The following LPO variants were observed in gnomAD, a reference collection of about 807,000 sequenced individuals.
LPO encodes salivary peroxidase.
LPO carries 70 observed loss-of-function variants against 68.4 expected under a neutral mutation model. That is an observed-to-expected ratio of 1.02 (90% CI 0.84 to 1.25). The LOEUF (loss-of-function observed/expected upper bound fraction) is 1.25, where lower values mean the gene tolerates loss of function less well. LPO is among the 50% of genes most tolerant of loss of function. The pLI, the probability that LPO is intolerant of heterozygous loss-of-function variation, is 0.00. For missense variants in LPO, 873 were observed against 908.4 expected, an observed-to-expected ratio of 0.96 and a Z score of 0.50; for synonymous variants, 360 against 357.6, an observed-to-expected ratio of 1.01 and a Z score of -0.08.
chr17:58,258,186 C>T (rs1381988275), intron 9 of LPO, among the ~76,000 whole-genome samples: 1 of 152,190 alleles, frequency 6.6e-6, no homozygotes, highest in Non-Finnish European at 1.5e-5. Flanking sequence ...GTGGCCTATG[C>T]TTGTGGGATA....
chr17:58,243,448 C>T (rs1969795386), intron 2 of LPO: 1 of 226,086 alleles, frequency 4.4e-6, no homozygotes, highest in Admixed American at 5.2e-5. Flanking sequence ...AATAAGGTCA[C>T]ATTCTGAGGT....
Position 58,266,145 on chromosome 17 carries a change from C to T in LPO, c.1520-8C>T, listed in dbSNP as rs1337125370. 6.2e-7 allele frequency: 1 copy of T among 1,613,474 alleles called. No homozygotes were observed. Among genetic ancestry groups the T allele is most frequent in the Admixed American group, 1.7e-5 (1 of 59,984 alleles). ...ACCTAAGCATGGCTTCTGGGTCTCCCTTGGCAGGTGGAATTGATCCTCTGG... is the reference window on the plus strand; with the variant it reads ...ACCTAAGCATGGCTTCTGGGTCTCCTTTGGCAGGTGGAATTGATCCTCTGG... On this transcript the variant is annotated splice_polypyrimidine_tract_variant and splice_region_variant and intron_variant, in intron 10 of 12. Coordinates refer to ENST00000262290, the MANE Select transcript of LPO (RefSeq NM_006151.3).
chr17:58,249,413 G>C (rs1398108986), intron 5 of LPO, 153 bp from the exon 6 acceptor site: 1 of 1,223,660 alleles, frequency 8.2e-7, no homozygotes, highest in Non-Finnish European at 1.1e-6. Context: ...GCGCCTTCAG[G>C]GGGTGGGCGC....
At chr17:58,264,575 GA>G in intron 9 of LPO, 146 bp from the exon 10 acceptor site, 2 of 726,916 alleles carry the variant, frequency 2.8e-6, no homozygotes, top group Non-Finnish European at 4.6e-6. Context: ...ATGCTCATAG[GA>G]ATGGGAACTG....
intron 6 of LPO, among the ~76,000 whole-genome samples, 161 bp downstream of exon 6, chr17:58,249,856 T>C (rs924175593): frequency 3.9e-5 from 6 of 152,116 alleles, no homozygotes; most frequent in African/African-American, 1.4e-4. Flanking sequence ...GCAGCAGAGC[T>C]CGGAGCCCGG....
intron 9 of LPO, among the ~76,000 whole-genome samples, chr17:58,259,685 T>C (rs1970140358): frequency 6.6e-6 from 1 of 152,250 alleles, no homozygotes. Context: ...CTTTACAATG[T>C]TGAGTTTTCC....
At chr17:58,241,244 G>A (rs1174120205) in intron 1 of LPO, among the ~76,000 whole-genome samples, 1 of 149,416 alleles carries the variant, frequency 6.7e-6, no homozygotes, top group Non-Finnish European at 1.5e-5. Flanking sequence ...CCGAGTAGCT[G>A]GAATTGCCGG....
intron 9 of LPO, among the ~76,000 whole-genome samples, chr17:58,258,002 G>C (rs1029572601): frequency 1.8e-4 from 27 of 152,090 alleles, no homozygotes; most frequent in African/African-American, 6.3e-4. Context: ...TTTTCCTATA[G>C]AGTTGTTTAA....
intron 9 of LPO, among the ~76,000 whole-genome samples, chr17:58,260,929 G>A (rs146388797): frequency 9.9e-5 from 15 of 152,112 alleles, no homozygotes; most frequent in African/African-American, 1.4e-4. Flanking sequence ...ATTTCCAAGC[G>A]TTTGTAGATT....
intron 9 of LPO, 131 bp from the exon 10 acceptor site, chr17:58,264,591 C>A: frequency 1.2e-6 from 1 of 838,936 alleles, no homozygotes; most frequent in Non-Finnish European, 1.9e-6. Flanking sequence ...GAACTGGGCA[C>A]ATATGCTATC....
At chr17:58,250,996 C>A in intron 7 of LPO, 1 of 244,428 alleles carries the variant, frequency 4.1e-6, no homozygotes, top group Non-Finnish European at 8.2e-6. Context: ...TGTAAAATCT[C>A]AGTTGGGCGA....
intron 9 of LPO, among the ~76,000 whole-genome samples, chr17:58,262,952 C>T (rs1037177284): frequency 6.6e-6 from 1 of 152,206 alleles, no homozygotes. Flanking sequence ...TTCTGGAACT[C>T]CATTGATATG....
chr17:58,253,022 C>CAA (rs765890765), intron 8 of LPO, among the ~76,000 whole-genome samples: 28 of 31,098 alleles, frequency 9.0e-4, no homozygotes, highest in East Asian at 3.5e-3. Flanking sequence ...GACTCCATCT[C>CAA]AAAAAAAAAA....
rs1970316708 is a variant in LPO at position 58,268,356 on chromosome 17, C to A, written c.*362C>A. ...TAAGCTCCCTGGGCCAGGACTTCAGCCTGCCTCCGAGGGTCCCCTGTGGCA... is the reference window on the plus strand; with the variant it reads ...TAAGCTCCCTGGGCCAGGACTTCAGACTGCCTCCGAGGGTCCCCTGTGGCA... On this transcript the variant is annotated 3_prime_UTR_variant, in exon 13 of 13. Coordinates refer to ENST00000262290, the MANE Select transcript of LPO (RefSeq NM_006151.3). 1.3e-4 allele frequency: 38 copies of A among 286,832 alleles called. No individual in the cohort carries two copies. The South Asian group carries it at 1.5e-3, about 11-fold the overall frequency. The allele number at this position is 286,832 out of a possible 1,614,324, so 17.8% of individuals were successfully genotyped here.
chr17:58,255,461 T>G (rs1970053503), intron 9 of LPO, among the ~76,000 whole-genome samples: 1 of 152,246 alleles, frequency 6.6e-6, no homozygotes, highest in African/African-American at 2.4e-5. Context: ...AACATTTTAT[T>G]TTGAAATAAT....
chr17:58,242,598 A>G (rs945547562), intron 1 of LPO, among the ~76,000 whole-genome samples: 3 of 152,218 alleles, frequency 2.0e-5, no homozygotes, highest in African/African-American at 7.2e-5. Flanking sequence ...TCCCGACCAC[A>G]GGCTGTCAGG....
chr17:58,261,443 A>T (rs1970173986), intron 9 of LPO, among the ~76,000 whole-genome samples: 1 of 152,084 alleles, frequency 6.6e-6, no homozygotes, highest in African/African-American at 2.4e-5. Context: ...GCTTTTAAAA[A>T]TTTATGTCTG....
intron 9 of LPO, among the ~76,000 whole-genome samples, chr17:58,262,424 C>G (rs764254524): frequency 3.3e-5 from 5 of 152,218 alleles, no homozygotes; most frequent in African/African-American, 4.8e-5. Flanking sequence ...GAGTCTTGCT[C>G]TGTTGCCCAG....
chr17:58,243,056 G>A lies in LPO; in HGVS notation c.76+1G>A, dbSNP rs1439729384. On this transcript the variant is annotated splice_donor_variant, in intron 2 of 12. Transcript: ENST00000262290. LOFTEE classifies it high-confidence loss of function. ...CAGGCTGCAGCATCTACCACAAGAG[G>A]TGAGTGTCTCCCTTTACGGGTTTTC... 2.5e-5 allele frequency: 40 copies of A among 1,613,720 alleles called. No homozygotes were observed. The highest frequency in any genetic ancestry group is 3.4e-5 in the Non-Finnish European group (40 of 1,179,986).
Sources: allele counts gnomAD v4.1 joint callset (sites outside exome capture counted in the v4.1 genomes callset), GRCh38; gene constraint gnomAD v4.1.1; transcripts MANE v1.5; gene names NCBI Gene and HGNC (gene_info 2026-07-23, HGNC 2026-07-21).